The following MDGA2 variants were observed in gnomAD, a reference collection of about 807,000 sequenced individuals.
MDGA2 encodes the protein MAM domain containing glycosylphosphatidylinositol anchor 2, also known as MAM domain-containing glycosylphosphatidylinositol anchor protein 2.
Under a neutral mutation model 117.8 loss-of-function variants are expected in MDGA2, and 40 were observed. That is an observed-to-expected ratio of 0.34 (90% confidence interval 0.26 to 0.44). The LOEUF is 0.44. Among genes scored for constraint, MDGA2 ranks in the 20% least tolerant of loss-of-function variants. The pLI is 1.00. For missense variants in MDGA2, 1,123 were observed against 1,250.6 expected (o/e 0.90, Z 1.54); for synonymous variants, 452 against 439.0 (o/e 1.03, Z -0.37).
chr14:47,267,700 T>C (rs1292827169), intron 2 of MDGA2, among the ~76,000 whole-genome samples: 2 of 152,194 alleles, frequency 1.3e-5, no homozygotes, highest in East Asian at 3.8e-4. Context: ...TCTTCCTCAA[T>C]TGTTTTTTTC....
At chr14:47,047,143 C>T (rs1889294849) in intron 7 of MDGA2, among the ~76,000 whole-genome samples, 2 of 152,138 alleles carry the variant, frequency 1.3e-5, no homozygotes, top group African/African-American at 4.8e-5. Flanking sequence ...AAGACCTACA[C>T]TTCACAAGAA....
chr14:47,502,684 G>T (rs562135021), intron 1 of MDGA2, among the ~76,000 whole-genome samples: 1 of 151,524 alleles, frequency 6.6e-6, no homozygotes, highest in Non-Finnish European at 1.5e-5. Flanking sequence ...TATTTTTTTG[G>T]GGGGGACAGA....
At chr14:46,953,356 A>G (rs992514958) in intron 9 of MDGA2, among the ~76,000 whole-genome samples, 1 of 151,862 alleles carries the variant, frequency 6.6e-6, no homozygotes, top group African/African-American at 2.4e-5. Flanking sequence ...TTCATTTAAA[A>G]GAATCTTAAA....
intron 1 of MDGA2, among the ~76,000 whole-genome samples, chr14:47,488,194 T>G (rs146128879): frequency 6.6e-6 from 1 of 152,164 alleles, no homozygotes; most frequent in Non-Finnish European, 1.5e-5. Flanking sequence ...TGAGTCGACA[T>G]ATGAGATTTC....
intron 1 of MDGA2, among the ~76,000 whole-genome samples, chr14:47,594,946 G>A (rs1249172088): frequency 6.6e-6 from 1 of 151,968 alleles, no homozygotes; most frequent in Non-Finnish European, 1.5e-5. Flanking sequence ...CAAACCTTTT[G>A]GCCTTTATTA....
At chr14:47,453,940 TGAGTC>T (rs1893292709) in intron 1 of MDGA2, among the ~76,000 whole-genome samples, 1 of 152,234 alleles carries the variant, frequency 6.6e-6, no homozygotes, top group African/African-American at 2.4e-5. Flanking sequence ...TTTGCTCCTG[TGAGTC>T]TTCTAATCTC....
At chr14:46,963,605 T>C (rs1197344190) in intron 8 of MDGA2, among the ~76,000 whole-genome samples, 1 of 152,242 alleles carries the variant, frequency 6.6e-6, no homozygotes, top group East Asian at 1.9e-4. Flanking sequence ...TTCTTTCCTT[T>C]GGTCTTTCAA....
At chr14:47,013,294 C>A (rs1428071878) in intron 8 of MDGA2, among the ~76,000 whole-genome samples, 1 of 152,138 alleles carries the variant, frequency 6.6e-6, no homozygotes, top group Non-Finnish European at 1.5e-5. Context: ...ATAGCATCTT[C>A]ATTAGCAGTA....
intron 10 of MDGA2, among the ~76,000 whole-genome samples, chr14:46,918,836 G>A (rs12897881): frequency 0.32 from 46,902 of 147,144 alleles, 7,731 homozygotes; most frequent in South Asian, 0.54. Flanking sequence ...ACCTCGGCTC[G>A]CTGCAAACTC....
At chr14:47,652,156 G>C (rs1456281686) in intron 1 of MDGA2, among the ~76,000 whole-genome samples, 1 of 152,136 alleles carries the variant, frequency 6.6e-6, no homozygotes, top group Non-Finnish European at 1.5e-5. Flanking sequence ...AGGAGAACAG[G>C]AAGAACTAGC....
At chr14:46,969,160 T>G (rs969732873) in intron 8 of MDGA2, among the ~76,000 whole-genome samples, 19 of 152,280 alleles carry the variant, frequency 1.2e-4, no homozygotes, top group African/African-American at 4.6e-4. Context: ...TGTTGGACAT[T>G]TGGGTTGGTT....
At chr14:47,185,145 A>G (rs1884860380) in intron 3 of MDGA2, among the ~76,000 whole-genome samples, 1 of 151,116 alleles carries the variant, frequency 6.6e-6, no homozygotes, top group Non-Finnish European at 1.5e-5. Context: ...AAGTTTTTGA[A>G]TTAAAAAGAT....
chr14:46,976,750 A>G (rs544187623), intron 8 of MDGA2, among the ~76,000 whole-genome samples: 25 of 152,010 alleles, frequency 1.6e-4, no homozygotes, highest in African/African-American at 5.5e-4. Context: ...TATTTAACAT[A>G]CTTTTTTTCT....
intron 1 of MDGA2, among the ~76,000 whole-genome samples, chr14:47,506,933 T>C (rs1894525579): frequency 6.6e-6 from 1 of 151,996 alleles, no homozygotes; most frequent in Admixed American, 6.6e-5. Flanking sequence ...GTTTAGACTT[T>C]TTTTTTTCTG....
intron 9 of MDGA2, among the ~76,000 whole-genome samples, chr14:46,935,972 T>C (rs1194567111): frequency 6.7e-6 from 1 of 150,130 alleles, no homozygotes; most frequent in African/African-American, 2.5e-5. Flanking sequence ...ATTTAATTCA[T>C]TTTAAAATTG....
chr14:47,460,629 T>C (rs1416350711), intron 1 of MDGA2, among the ~76,000 whole-genome samples: 1 of 152,136 alleles, frequency 6.6e-6, no homozygotes, highest in Non-Finnish European at 1.5e-5. Flanking sequence ...TATACAGTAA[T>C]ATTTTGGCAA....
At chr14:47,294,975 T>C (rs921392866) in intron 2 of MDGA2, among the ~76,000 whole-genome samples, 1 of 152,196 alleles carries the variant, frequency 6.6e-6, no homozygotes. Flanking sequence ...TACAATTCTA[T>C]TATAAAATTG....
chr14:47,123,132 G>C (rs1881735278), intron 5 of MDGA2, among the ~76,000 whole-genome samples: 1 of 151,914 alleles, frequency 6.6e-6, no homozygotes, highest in Non-Finnish European at 1.5e-5. Context: ...ATTTGACTAA[G>C]GCTGTTTATT....
At chr14:47,052,670 A>G (rs1313373384) in intron 7 of MDGA2, among the ~76,000 whole-genome samples, 1 of 151,920 alleles carries the variant, frequency 6.6e-6, no homozygotes, top group African/African-American at 2.4e-5. Context: ...ACAACTTGCA[A>G]CTAACGATGT....
Sources: gnomAD v4.1 joint callset for allele counts (sites outside exome capture counted in the v4.1 genomes callset) on GRCh38, gnomAD v4.1.1 for gene constraint, MANE v1.5 for transcripts, NCBI Gene and HGNC (gene_info 2026-07-23, HGNC 2026-07-21) for gene names.